Variants in SYTL2 observed in about 807,000 individuals in gnomAD.
SYTL2 encodes the protein synaptotagmin-like protein 2.
In SYTL2, 165 loss-of-function variants were observed where a neutral mutation model predicts 198.7. The observed-to-expected ratio is 0.83, with a 90% CI of 0.73 to 0.94. SYTL2 has a LOEUF of 0.94. Among genes scored for constraint, SYTL2 ranks in the 40% least tolerant of loss-of-function variants. The pLI, the probability that SYTL2 is intolerant of heterozygous loss-of-function variation, is 0.00. For synonymous variants in SYTL2, 966 were observed against 917.7 expected (o/e 1.05, Z -0.95); for missense variants, 2,835 against 2,582.8 (o/e 1.10, Z -2.12).
chr11:85,720,700 G>A (rs545580127), intron 9 of SYTL2, among the ~76,000 whole-genome samples, 158 bp downstream of exon 9: 1 of 152,296 alleles, frequency 6.6e-6, no homozygotes, highest in Non-Finnish European at 1.5e-5. Flanking sequence ...ACTTTAGGTT[G>A]AGCCTCTTCA....
At chr11:85,714,872 C>A (rs75964692) in intron 11 of SYTL2, 8,918 of 209,722 alleles carry the variant, frequency 0.043, 831 homozygotes, top group African/African-American at 0.2. Flanking sequence ...GGTTCATCTC[C>A]TTGAGATATA....
Position 85,725,059 on chromosome 11 carries a change from AAAATCC to A in SYTL2, c.4293_4298del (p.Lys1431_Phe1433delinsAsn). 6.2e-7 allele frequency: 1 copy of A among 1,614,208 alleles called. No homozygotes were observed. The highest frequency in any genetic ancestry group is 8.5e-7 in the Non-Finnish European group (1 of 1,180,020). Reference sequence around the variant, plus strand: ...TATCAGGAACTACATTGGAGGAATAAAAATCCTTCCTGTCTGGAACTATGGTGTCCA... The same window carrying A: ...TATCAGGAACTACATTGGAGGAATAATTCCTGTCTGGAACTATGGTGTCCA... On this transcript the variant is annotated inframe_deletion, in exon 8 of 20. Coordinates refer to ENST00000359152, the MANE Select transcript of SYTL2 (RefSeq NM_206927.4).
At chr11:85,786,205 A>G (rs2092633168) in intron 1 of SYTL2, among the ~76,000 whole-genome samples, 1 of 152,208 alleles carries the variant, frequency 6.6e-6, no homozygotes, top group African/African-American at 2.4e-5. Context: ...TGGCAAAATT[A>G]TAGAAATGAA....
the SYTL2 span, among the ~76,000 whole-genome samples, chr11:85,850,186 G>C: frequency 6.8e-6 from 1 of 146,934 alleles, no homozygotes; most frequent in African/African-American, 2.5e-5. Flanking sequence ...GGAGATTTTG[G>C]GCTGAGACAA....
upstream of SYTL2, among the ~76,000 whole-genome samples, chr11:85,811,513 T>C (rs1211650729): frequency 6.6e-6 from 1 of 151,994 alleles, no homozygotes; most frequent in Non-Finnish European, 1.5e-5. Context: ...GCCTCTGCAC[T>C]CCGAGAAGGG....
chr11:85,821,386 C>T, the SYTL2 span, among the ~76,000 whole-genome samples: 15 of 151,948 alleles, frequency 9.9e-5, no homozygotes, highest in Non-Finnish European at 1.6e-4. Context: ...ACTTGAGCCA[C>T]GTTAAAGAAA....
intron 1 of SYTL2, among the ~76,000 whole-genome samples, chr11:85,806,762 T>C (rs995464121): frequency 8.5e-5 from 13 of 152,336 alleles, no homozygotes; most frequent in Non-Finnish European, 1.8e-4. Context: ...AGACTTCAAC[T>C]TGGGAAACCA....
intron 1 of SYTL2, among the ~76,000 whole-genome samples, chr11:85,791,958 A>T (rs2092736615): frequency 6.6e-6 from 1 of 152,224 alleles, no homozygotes; most frequent in East Asian, 1.9e-4. Flanking sequence ...AGGGATTAAT[A>T]ACCTTGATGA....
intron 1 of SYTL2, among the ~76,000 whole-genome samples, chr11:85,769,504 T>C (rs2092312304): frequency 1.3e-5 from 2 of 152,218 alleles, no homozygotes; most frequent in African/African-American, 4.8e-5. Context: ...TCTCTTGATT[T>C]TAGCCTGTAA....
the SYTL2 span, among the ~76,000 whole-genome samples, chr11:85,831,293 G>C: frequency 6.6e-6 from 1 of 152,196 alleles, no homozygotes; most frequent in African/African-American, 2.4e-5. Flanking sequence ...ACTGTGAAAA[G>C]CACCTGCCAA....
At chr11:85,735,473 C>T (rs1261847946) in intron 6 of SYTL2, among the ~76,000 whole-genome samples, 2 of 152,118 alleles carry the variant, frequency 1.3e-5, no homozygotes, top group East Asian at 3.8e-4. Flanking sequence ...AAGTTAAAAA[C>T]AGGCCAAGCG....
intron 3 of SYTL2, among the ~76,000 whole-genome samples, chr11:85,746,729 A>T (rs2091181118): frequency 1.3e-5 from 2 of 152,154 alleles, no homozygotes; most frequent in Non-Finnish European, 2.9e-5. Context: ...ACTAACCAGT[A>T]CCCTCAAGAT....
rs1241523527 is a variant in SYTL2 at position 85,745,374 on chromosome 11, G to T, written c.389+263C>A. Among the ~76,000 whole-genome samples the T allele has an allele frequency of 3.3e-5, 5 of 152,160 alleles. No homozygotes were observed. In the East Asian group the frequency reaches 9.6e-4, roughly 29 times the overall value. The stretch of plus-strand genomic sequence containing the variant: ...GAAATCCATGGGAGAAATAAAAACG[G>T]CTCTTGCTGGTACTGGAAGAAATCA... On this transcript the variant is annotated intron_variant, in intron 4 of 19. Transcript: ENST00000359152.
intron 2 of SYTL2, among the ~76,000 whole-genome samples, chr11:85,748,747 G>A (rs901444458): frequency 2.6e-5 from 4 of 152,154 alleles, no homozygotes; most frequent in African/African-American, 7.2e-5. Flanking sequence ...GGGATAATAC[G>A]GTAGGCTTCC....
At chr11:85,832,900 C>G in the SYTL2 span, among the ~76,000 whole-genome samples, 1 of 149,880 alleles carries the variant, frequency 6.7e-6, no homozygotes, top group African/African-American at 2.5e-5. Context: ...AGAGGCTGAG[C>G]TGGGAGGATC....
In SYTL2 at chr11:85,716,476, A is replaced by G. The variant is rs542635064; in HGVS notation, c.5530+1007T>C. The G allele has an allele frequency of 2.6e-5, 4 of 152,252 alleles. No homozygotes were observed. In the East Asian group the frequency reaches 7.7e-4, roughly 29 times the overall value. 9.4% of individuals were successfully genotyped at this position (152,252 alleles called of 1,614,324 possible). ...AGCAAAGTTTCAGGTTTCCCACTAC[A>G]TGTCACTGACTTTTAGCCATCAGCA... On this transcript the variant is annotated intron_variant, in intron 11 of 19. Coordinates refer to ENST00000359152, the MANE Select transcript of SYTL2 (RefSeq NM_206927.4).
intron 1 of SYTL2, among the ~76,000 whole-genome samples, chr11:85,789,503 G>C (rs867298304): frequency 9.4e-5 from 14 of 148,382 alleles, no homozygotes; most frequent in African/African-American, 3.5e-4. Context: ...CCAAAGTGTT[G>C]GGATTACATG....
chr11:85,723,199 GC>G (rs902957861), intron 8 of SYTL2, among the ~76,000 whole-genome samples: 2 of 152,118 alleles, frequency 1.3e-5, no homozygotes, highest in Non-Finnish European at 2.9e-5. Context: ...CAGCCTGGCC[GC>G]CAAAACCAAC....
Position 85,714,394 on chromosome 11 carries a change from G to A in SYTL2, c.5625+19C>T, listed in dbSNP as rs746937549. ...ACCCTCTGTCTCCATTTTTCTGAAG[G>A]TACAAAAGACAAACTTGCCTCATCT... On this transcript the variant is annotated intron_variant, in intron 12 of 19. Transcript: ENST00000359152. 4 of 1,588,944 alleles carry A rather than the reference G, an allele frequency of 2.5e-6. No homozygotes were observed. In the East Asian group the frequency reaches 8.9e-5, roughly 36 times the overall value.
Sources: gnomAD v4.1 joint callset for allele counts (sites outside exome capture counted in the v4.1 genomes callset) on GRCh38, gnomAD v4.1.1 for gene constraint, MANE v1.5 for transcripts, NCBI Gene and HGNC (gene_info 2026-07-23, HGNC 2026-07-21) for gene names.